Variants in ZNF804B observed in about 807,000 individuals in gnomAD.
The protein encoded by ZNF804B is zinc finger protein 804B, also known as zinc finger 804B.
ZNF804B carries 80 observed loss-of-function variants against 101.4 expected under a neutral mutation model. The observed-to-expected ratio is 0.79, with a 90% confidence interval of 0.66 to 0.95. The LOEUF is 0.95. ZNF804B is among the 40% of genes least tolerant of loss of function. The pLI is 0.00. For synonymous variants in ZNF804B, 622 were observed against 558.8 expected, an observed-to-expected ratio of 1.11 and a Z score of -1.59; for missense variants, 1,673 against 1,561.9, an observed-to-expected ratio of 1.07 and a Z score of -1.20.
At chr7:89,131,709 A>C (rs956135689) in intron 1 of ZNF804B, among the ~76,000 whole-genome samples, 1 of 151,998 alleles carries the variant, frequency 6.6e-6, no homozygotes, top group Non-Finnish European at 1.5e-5. Flanking sequence ...GTGTTCTCAA[A>C]ATGTCTTAAA....
chr7:88,760,863 A>T (rs1039393264), intron 1 of ZNF804B, among the ~76,000 whole-genome samples: 1 of 147,120 alleles, frequency 6.8e-6, no homozygotes, highest in Non-Finnish European at 1.5e-5. Flanking sequence ...AATGTGTGTG[A>T]ATGTGTATGT....
chr7:88,864,166 T>C (rs951943664), intron 1 of ZNF804B, among the ~76,000 whole-genome samples: 2 of 152,204 alleles, frequency 1.3e-5, no homozygotes, highest in Admixed American at 1.3e-4. Flanking sequence ...ATTTGTTTGT[T>C]TTTATACCTC....
At chr7:88,965,424 A>AT (rs542790170) in intron 1 of ZNF804B, among the ~76,000 whole-genome samples, 18 of 151,440 alleles carry the variant, frequency 1.2e-4, no homozygotes, top group South Asian at 4.2e-4. Flanking sequence ...GCTAGGAGCT[A>AT]TTTTTTTGCT....
intron 2 of ZNF804B, among the ~76,000 whole-genome samples, chr7:89,225,465 T>TA (rs1789074872): frequency 6.6e-6 from 1 of 152,180 alleles, no homozygotes; most frequent in African/African-American, 2.4e-5. Flanking sequence ...GGCATGGTTC[T>TA]ATTAGCCACT....
At chr7:89,204,058 A>G (rs563325960) in intron 1 of ZNF804B, among the ~76,000 whole-genome samples, 1 of 152,342 alleles carries the variant, frequency 6.6e-6, no homozygotes, top group East Asian at 1.9e-4. Flanking sequence ...TTTCTCTCAT[A>G]GATGACTCTC....
intron 1 of ZNF804B, among the ~76,000 whole-genome samples, chr7:89,173,768 C>T (rs1791275495): frequency 6.6e-6 from 1 of 150,388 alleles, no homozygotes; most frequent in South Asian, 2.1e-4. Context: ...ATCCATCCAT[C>T]ATCTAGCTGT....
chr7:89,117,658 A>G (rs1431442735), intron 1 of ZNF804B, among the ~76,000 whole-genome samples: 1 of 152,186 alleles, frequency 6.6e-6, no homozygotes, highest in Non-Finnish European at 1.5e-5. Context: ...TTGATGCTAT[A>G]TTGACTAAAT....
chr7:89,085,885 C>G (rs1255010130), intron 1 of ZNF804B, among the ~76,000 whole-genome samples: 1 of 151,972 alleles, frequency 6.6e-6, no homozygotes, highest in Non-Finnish European at 1.5e-5. Context: ...CTATGACAAT[C>G]CCTCAAAAAT....
chr7:88,987,548 A>G (rs1272766931), intron 1 of ZNF804B, among the ~76,000 whole-genome samples: 2 of 152,124 alleles, frequency 1.3e-5, no homozygotes, highest in African/African-American at 4.8e-5. Context: ...TTCTTTAAGT[A>G]TAGGCAGGGC....
intron 2 of ZNF804B, among the ~76,000 whole-genome samples, chr7:89,285,546 A>AAAAGAAGAAG (rs1554389597): frequency 1.1e-5 from 1 of 93,422 alleles, no homozygotes; most frequent in African/African-American, 5.0e-5. Flanking sequence ...AAAAAAAAAA[A>AAAAGAAGAAG]AAGAAGAAGA....
At chr7:89,145,451 G>A (rs1029252182) in intron 1 of ZNF804B, among the ~76,000 whole-genome samples, 5 of 152,072 alleles carry the variant, frequency 3.3e-5, no homozygotes, top group Middle Eastern at 6.8e-3. Flanking sequence ...ATGACCTAAT[G>A]CATTCATACA....
At chr7:89,281,605 G>A (rs2115871174) in intron 2 of ZNF804B, among the ~76,000 whole-genome samples, 1 of 152,202 alleles carries the variant, frequency 6.6e-6, no homozygotes, top group Non-Finnish European at 1.5e-5. Context: ...GAAGCATATG[G>A]CAAAGTCAAG....
At chr7:88,974,682 C>T (rs956035973) in intron 1 of ZNF804B, among the ~76,000 whole-genome samples, 1 of 150,974 alleles carries the variant, frequency 6.6e-6, no homozygotes, top group Non-Finnish European at 1.5e-5. Flanking sequence ...AGTAGGTGTA[C>T]ATATTTATAG....
At chr7:88,893,442 T>A (rs1792241703) in intron 1 of ZNF804B, among the ~76,000 whole-genome samples, 1 of 152,106 alleles carries the variant, frequency 6.6e-6, no homozygotes. Context: ...TGTATGTATT[T>A]AATAAATACA....
rs191027936 is a variant in ZNF804B at position 89,075,097 on chromosome 7, A to G, written c.109-143058A>G. Among the ~76,000 whole-genome samples, 10 of 152,310 alleles carry G rather than the reference A, an allele frequency of 6.6e-5. No individual in the cohort carries two copies. The East Asian group carries it at 1.7e-3, about 26-fold the overall frequency. ...CAGTTTTATAAAGGAAGCAGAGCCT[A>G]AAAGTTCAGAAAATTTGCAGCCTGA... On this transcript the variant is annotated intron_variant, in intron 1 of 3. Coordinates refer to ENST00000333190, the MANE Select transcript of ZNF804B (RefSeq NM_181646.5).
intron 1 of ZNF804B, among the ~76,000 whole-genome samples, chr7:89,030,322 G>A (rs1788810431): frequency 6.6e-6 from 1 of 152,124 alleles, no homozygotes; most frequent in Admixed American, 6.6e-5. Context: ...AAGGACCATA[G>A]GAGAATAAAC....
rs984273852 is a variant in ZNF804B, at chr7:88,759,901, G to T, written c.-76G>T. 4.6e-6 allele frequency: 6 copies of T among 1,302,872 alleles called. No individual in the cohort carries two copies. The highest frequency in any genetic ancestry group is 2.3e-5 in the East Asian group (1 of 43,002). 80.7% of individuals were successfully genotyped at this position (1,302,872 alleles called of 1,614,324 possible). On this transcript the variant is annotated 5_prime_UTR_variant, in exon 1 of 4. Transcript: ENST00000333190. ...TCGGGAGGTGGTAGTCGCTGTTGCCGCTGAGAAACCCGCCCGCTTTCCACG... is the reference window on the plus strand; with the variant it reads ...TCGGGAGGTGGTAGTCGCTGTTGCCTCTGAGAAACCCGCCCGCTTTCCACG...
At chr7:88,971,327 A>G (rs987764031) in intron 1 of ZNF804B, among the ~76,000 whole-genome samples, 1 of 151,704 alleles carries the variant, frequency 6.6e-6, no homozygotes, top group Non-Finnish European at 1.5e-5. Context: ...GCCATATCAA[A>G]TGTTTCTTTT....
chr7:89,162,130 G>GC (rs1391196181), intron 1 of ZNF804B, among the ~76,000 whole-genome samples: 3 of 144,032 alleles, frequency 2.1e-5, no homozygotes, highest in African/African-American at 7.5e-5. Context: ...CTTTTCAGGG[G>GC]CGGGGGGAAG....
Sources: gnomAD v4.1 joint callset for allele counts (sites outside exome capture counted in the v4.1 genomes callset) on GRCh38, gnomAD v4.1.1 for gene constraint, MANE v1.5 for transcripts, NCBI Gene and HGNC (gene_info 2026-07-23, HGNC 2026-07-21) for gene names.